The following MAML2 variants were observed in gnomAD, a reference collection of about 807,000 sequenced individuals.
MAML2 encodes mastermind like transcriptional coactivator 2.
In MAML2, 22 loss-of-function variants were observed where a neutral mutation model predicts 96.1. That is an observed-to-expected ratio of 0.23 (90% confidence interval 0.16 to 0.33). The LOEUF (loss-of-function observed/expected upper bound fraction) is 0.33. MAML2 is among the 10% of genes least tolerant of loss of function. MAML2 has a pLI of 1.00. For synonymous variants in MAML2, 561 were observed against 521.3 expected (o/e 1.08, Z -1.04); for missense variants, 1,367 against 1,392.4 (o/e 0.98, Z 0.29).
chr11:96,225,900 T>C (rs1862204186), intron 1 of MAML2, among the ~76,000 whole-genome samples: 1 of 152,186 alleles, frequency 6.6e-6, no homozygotes, highest in Admixed American at 6.5e-5. Context: ...ATTGTAGTTA[T>C]TCATAGTTTT....
intron 1 of MAML2, among the ~76,000 whole-genome samples, chr11:96,192,239 T>C (rs1861664107): frequency 6.6e-6 from 1 of 152,196 alleles, no homozygotes; most frequent in Admixed American, 6.5e-5. Flanking sequence ...TAGGGAATCA[T>C]GTGGTTTCTG....
chr11:96,226,144 T>G (rs1591082765), intron 1 of MAML2, among the ~76,000 whole-genome samples: 1 of 152,206 alleles, frequency 6.6e-6, no homozygotes, highest in African/African-American at 2.4e-5. Context: ...CCACCACAGA[T>G]AGCATGGGGA....
At chr11:96,197,423 G>A (rs1861747980) in intron 1 of MAML2, among the ~76,000 whole-genome samples, 1 of 151,950 alleles carries the variant, frequency 6.6e-6, no homozygotes, top group Non-Finnish European at 1.5e-5. Flanking sequence ...CTGACTCTTT[G>A]GGGGCTGGGA....
intron 1 of MAML2, among the ~76,000 whole-genome samples, chr11:96,208,823 A>G (rs1374951905): frequency 6.6e-6 from 1 of 152,206 alleles, no homozygotes; most frequent in African/African-American, 2.4e-5. Context: ...AAAAAAAATC[A>G]TACAGGATAT....
chr11:96,003,021 T>G (rs1858118585), intron 2 of MAML2, among the ~76,000 whole-genome samples: 2 of 138,296 alleles, frequency 1.4e-5, no homozygotes, highest in African/African-American at 2.8e-5. Flanking sequence ...ATGATGAAGA[T>G]GATGATGGGG....
chr11:96,148,478 G>A (rs1860855600), intron 1 of MAML2, among the ~76,000 whole-genome samples: 1 of 151,352 alleles, frequency 6.6e-6, no homozygotes, highest in Non-Finnish European at 1.5e-5. Context: ...AAAAAGCCTA[G>A]GTGTGGTCAT....
intron 1 of MAML2, among the ~76,000 whole-genome samples, chr11:96,223,843 A>C (rs901429425): frequency 2.0e-5 from 3 of 152,188 alleles, no homozygotes; most frequent in Non-Finnish European, 4.4e-5. Context: ...CAAGCTATGG[A>C]ATGTACTCTC....
chr11:96,032,290 A>G (rs150266420), intron 2 of MAML2, among the ~76,000 whole-genome samples: 261 of 152,198 alleles, frequency 1.7e-3, no homozygotes, highest in Non-Finnish European at 3.5e-3. Context: ...TTTAAGATAA[A>G]TAAAAAGTTA....
At position 96,020,578 on chromosome 11, in the gene MAML2, G is replaced by A. The variant is rs150246608; in HGVS notation, c.2140-28855C>T. Among the ~76,000 whole-genome samples, 88 of 152,290 alleles carry A rather than the reference G, an allele frequency of 5.8e-4. 1 individual carries two copies. Among genetic ancestry groups the A allele is most frequent in the African/African-American group, 1.9e-3 (80 of 41,566 alleles). ...GGCACTGAGTTTCTGAATCTCTAAC[G>A]AGCTCCATGTGATTCTGATGCAGTG... On this transcript the variant is annotated intron_variant, in intron 2 of 4. Transcript: ENST00000524717.
chr11:96,092,338 C>A lies in MAML2; in HGVS notation c.1693G>T (p.Asp565Tyr), dbSNP rs777400099. ...GAAGGCATCTGCTGGTTCGCTTGAT[C>A]TGAGTTAAAATGAAACAAAGGCTTG... The part of the protein sequence containing the change: ...NTKPLFHFNS[D>Y]QANQQMPSVL... Residue 565 changes from aspartate (D) to tyrosine (Y), a missense_variant, in exon 2 of 5, where the codon GAT (aspartate) becomes TAT (tyrosine). By Grantham distance (160) the Asp-to-Tyr change is radical. Coordinates refer to ENST00000524717, the MANE Select transcript of MAML2 (RefSeq NM_032427.4). This position sits in a 1 kb window ranked among gnomAD's most constrained non-coding sequence, Gnocchi z 4.1. 6.2e-7 allele frequency: 1 copy of A among 1,609,934 alleles called. No individual in the cohort carries two copies. The highest frequency in any genetic ancestry group is 1.1e-5 in the South Asian group (1 of 90,184).
intron 2 of MAML2, among the ~76,000 whole-genome samples, chr11:96,052,884 G>A (rs1455197440): frequency 6.6e-6 from 1 of 152,248 alleles, no homozygotes; most frequent in Admixed American, 6.5e-5. Flanking sequence ...CCTAGAGCCA[G>A]AAACGATCTA....
chr11:96,300,224 TG>T, intron 1 of MAML2, among the ~76,000 whole-genome samples: 1 of 152,246 alleles, frequency 6.6e-6, no homozygotes, highest in African/African-American at 2.4e-5. Flanking sequence ...CTAATGAAAC[TG>T]GGATGTCATG....
At chr11:96,278,346 A>G (rs1863018592) in intron 1 of MAML2, among the ~76,000 whole-genome samples, 1 of 152,222 alleles carries the variant, frequency 6.6e-6, no homozygotes, top group South Asian at 2.1e-4. Context: ...TGGAAAAAGT[A>G]AAACAGATTG....
chr11:96,259,316 A>G (rs1862715014), intron 1 of MAML2, among the ~76,000 whole-genome samples: 2 of 152,064 alleles, frequency 1.3e-5, no homozygotes, highest in South Asian at 4.1e-4. Flanking sequence ...ACCAAGATTT[A>G]TTTTTTAGCC....
intron 1 of MAML2, among the ~76,000 whole-genome samples, chr11:96,120,981 T>A (rs1372826228): frequency 6.6e-6 from 1 of 152,176 alleles, no homozygotes; most frequent in African/African-American, 2.4e-5. Flanking sequence ...GCAAGTGCTG[T>A]GATTTTGAAC....
intron 2 of MAML2, among the ~76,000 whole-genome samples, chr11:96,076,484 A>C (rs1859441104): frequency 6.7e-6 from 1 of 149,894 alleles, no homozygotes. Flanking sequence ...AGCCCTTCAG[A>C]GCTGCCTGCT....
chr11:96,001,270 G>A (rs1174047017), intron 2 of MAML2, among the ~76,000 whole-genome samples: 1 of 152,144 alleles, frequency 6.6e-6, no homozygotes, highest in Non-Finnish European at 1.5e-5. Flanking sequence ...GCCTTCAGTG[G>A]GAGAGTGGCC....
intron 1 of MAML2, among the ~76,000 whole-genome samples, chr11:96,210,727 T>A (rs1861959489): frequency 6.6e-6 from 1 of 152,302 alleles, no homozygotes; most frequent in East Asian, 1.9e-4. Context: ...ATAGAGTAAG[T>A]GCCCAATAAA....
At chr11:96,066,061 C>T (rs1859240297) in intron 2 of MAML2, among the ~76,000 whole-genome samples, 1 of 152,220 alleles carries the variant, frequency 6.6e-6, no homozygotes, top group African/African-American at 2.4e-5. Context: ...CTGCTAATCA[C>T]CTAATTACCC....
Sources: allele counts gnomAD v4.1 joint callset (sites outside exome capture counted in the v4.1 genomes callset), GRCh38; gene constraint gnomAD v4.1.1; non-coding constraint Gnocchi (gnomAD v3.1); transcripts MANE v1.5; gene names NCBI Gene and HGNC (gene_info 2026-07-23, HGNC 2026-07-21).